Variants in PAQR5 observed in about 807,000 individuals in gnomAD.
The protein encoded by PAQR5 is membrane progestin receptor gamma.
In PAQR5, 20 loss-of-function variants were observed where a neutral mutation model predicts 34.5. That is an observed-to-expected ratio of 0.58 (90% CI 0.41 to 0.84). PAQR5 has a LOEUF of 0.84. Ranked by LOEUF, PAQR5 falls within the 40% of genes least tolerant of loss-of-function variation. The probability of loss-of-function intolerance (pLI) is 0.00; values close to 1 mark genes in which losing one functional copy is unlikely to be tolerated. For synonymous variants in PAQR5, 131 were observed against 155.6 expected (o/e 0.84, Z 1.18); for missense variants, 378 against 412.7 (o/e 0.92, Z 0.73).
chr15:69,332,947 G>A (rs1910381), intron 1 of PAQR5, among the ~76,000 whole-genome samples: 4 of 151,758 alleles, frequency 2.6e-5, no homozygotes, highest in Admixed American at 6.6e-5. Context: ...TGTTAAAGTC[G>A]GGTAATAAAA....
At chr15:69,360,175 C>G (rs2055195495) in intron 3 of PAQR5, 44 bp downstream of exon 3, 1 of 1,516,880 alleles carries the variant, frequency 6.6e-7, no homozygotes, top group African/African-American at 1.4e-5. Context: ...CAGAGTGTGA[C>G]CAGGGCTTGG....
At chr15:69,352,126 C>A (rs1378134982) in intron 2 of PAQR5, among the ~76,000 whole-genome samples, 1 of 152,178 alleles carries the variant, frequency 6.6e-6, no homozygotes, top group Non-Finnish European at 1.5e-5. Context: ...AGGATGCTAT[C>A]TGGAGTCTTT....
At chr15:69,375,916 T>C (rs887976008) in intron 3 of PAQR5, among the ~76,000 whole-genome samples, 3 of 152,212 alleles carry the variant, frequency 2.0e-5, no homozygotes, top group Non-Finnish European at 4.4e-5. Context: ...CCCAGGTGGT[T>C]TGCAGTTTAA....
chr15:69,386,786 A>G lies in PAQR5; in HGVS notation c.385+1904A>G, dbSNP rs146942120. Among the ~76,000 whole-genome samples, 29 of 152,046 alleles carry G rather than the reference A, an allele frequency of 1.9e-4. No individual in the cohort carries two copies. The East Asian group carries it at 3.1e-3, about 16-fold the overall frequency. On this transcript the variant is annotated intron_variant, in intron 5 of 8. Transcript: ENST00000395407. Reference sequence around the variant, plus strand: ...CACCTCCGGAGAAACCCTGTCTCCAATGTAAACCTCTTACCTGAGGTCCAC... The same window carrying G: ...CACCTCCGGAGAAACCCTGTCTCCAGTGTAAACCTCTTACCTGAGGTCCAC...
At chr15:69,387,294 T>C (rs1267167163) in intron 5 of PAQR5, among the ~76,000 whole-genome samples, 1 of 152,190 alleles carries the variant, frequency 6.6e-6, no homozygotes, top group Non-Finnish European at 1.5e-5. Flanking sequence ...TGGCAAGCCC[T>C]GGTCCAGGCC....
At chr15:69,341,019 CAT>C (rs2054626440) in intron 2 of PAQR5, among the ~76,000 whole-genome samples, 1 of 152,086 alleles carries the variant, frequency 6.6e-6, no homozygotes, top group Non-Finnish European at 1.5e-5. Flanking sequence ...ATATACGTAA[CAT>C]AAAATTTATC....
intron 8 of PAQR5, among the ~76,000 whole-genome samples, chr15:69,402,617 A>G (rs779521879): frequency 6.6e-5 from 10 of 152,164 alleles, no homozygotes; most frequent in Admixed American, 1.3e-4. Context: ...CGCCTGGCCT[A>G]AACTCCTTTC....
intron 2 of PAQR5, among the ~76,000 whole-genome samples, chr15:69,349,981 A>G (rs2054871567): frequency 6.6e-6 from 1 of 152,068 alleles, no homozygotes; most frequent in Non-Finnish European, 1.5e-5. Context: ...CCACAGGCTT[A>G]GGGAGATTGG....
In PAQR5 at chr15:69,312,003, C is replaced by T. The variant is rs545755724; in HGVS notation, c.-277+12947C>T. Among the ~76,000 whole-genome samples, 60 of 152,192 alleles carry T rather than the reference C, an allele frequency of 3.9e-4. 1 individual carries two copies. Among genetic ancestry groups the T allele is most frequent in the African/African-American group, 1.4e-3 (57 of 41,526 alleles). ...TGAGTGGTTAAATAAGCAAGCTCTC[C>T]GGGAAGAATTCCTGGAGGAAGTGGG... On this transcript the variant is annotated intron_variant, in intron 1 of 8. Coordinates refer to ENST00000395407, the MANE Select transcript of PAQR5 (RefSeq NM_017705.4).
At chr15:69,386,724 TC>T (rs1233753846) in intron 5 of PAQR5, among the ~76,000 whole-genome samples, 1 of 151,124 alleles carries the variant, frequency 6.6e-6, no homozygotes, top group African/African-American at 2.4e-5. Context: ...ACGATCCGGC[TC>T]CCCAGAGATC....
At chr15:69,388,672 G>A (rs1165265912) in intron 5 of PAQR5, among the ~76,000 whole-genome samples, 7 of 152,276 alleles carry the variant, frequency 4.6e-5, no homozygotes, top group Non-Finnish European at 7.3e-5. Context: ...GCAGCTGGGA[G>A]TATGGGACCA....
chr15:69,326,909 A>G (rs1390525882), intron 1 of PAQR5, among the ~76,000 whole-genome samples: 1 of 148,900 alleles, frequency 6.7e-6, no homozygotes, highest in Non-Finnish European at 1.5e-5. Context: ...CCTCCTTTAC[A>G]TTAGGCCTCA....
At chr15:69,383,140 C>T (rs1453849450) in intron 4 of PAQR5, among the ~76,000 whole-genome samples, 1 of 152,112 alleles carries the variant, frequency 6.6e-6, no homozygotes, top group African/African-American at 2.4e-5. Context: ...ATGGTATTTC[C>T]CCAAAGTGAG....
chr15:69,310,019 GC>G (rs2053795099), intron 1 of PAQR5, among the ~76,000 whole-genome samples: 1 of 151,548 alleles, frequency 6.6e-6, no homozygotes, highest in South Asian at 2.1e-4. Context: ...CTGCACTCCA[GC>G]CTGGGTGACA....
At chr15:69,303,075 A>G (rs1039639168) in intron 1 of PAQR5, among the ~76,000 whole-genome samples, 1 of 152,132 alleles carries the variant, frequency 6.6e-6, no homozygotes, top group Non-Finnish European at 1.5e-5. Flanking sequence ...CTCTCGTTCC[A>G]TGGTCTCTCC....
chr15:69,344,702 G>A (rs1343001241), intron 2 of PAQR5, among the ~76,000 whole-genome samples: 3 of 152,290 alleles, frequency 2.0e-5, no homozygotes, highest in African/African-American at 7.2e-5. Flanking sequence ...CTTTGTTGGC[G>A]GTAAGAGTAT....
intron 5 of PAQR5, 136 bp from the exon 6 acceptor site, chr15:69,389,518 A>G (rs1424441018): frequency 9.4e-7 from 1 of 1,062,156 alleles, no homozygotes; most frequent in East Asian, 2.4e-5. Context: ...AGAAGGGGGA[A>G]TGGCACCAGC....
chr15:69,401,953 A>C (rs1168185443), intron 8 of PAQR5, among the ~76,000 whole-genome samples: 1 of 152,174 alleles, frequency 6.6e-6, no homozygotes, highest in Non-Finnish European at 1.5e-5. Context: ...GGCTGGTCTC[A>C]AAACTCCTGG....
rs1193961234 is a variant in PAQR5, at chr15:69,384,735, T to C, written c.238T>C (p.Tyr80His). Residue 80 changes from tyrosine (Y) to histidine (H), a missense_variant, in exon 5 of 9, where the codon TAC becomes CAC. By Grantham distance (83) the Tyr-to-His change is moderately conservative (BLOSUM62 2). Coordinates refer to ENST00000395407, the MANE Select transcript of PAQR5 (RefSeq NM_017705.4). Reference protein sequence around the residue: ...LYMTDIKNDSYSWPMLVYMCT... With the variant: ...LYMTDIKNDSHSWPMLVYMCT... ...TATGACAGACATCAAGAATGACAGC[T>C]ACTCCTGGCCCATGCTTGTGTACAT... 1 of 1,613,974 alleles carries C rather than the reference T, an allele frequency of 6.2e-7. No homozygotes were observed. The highest frequency in any genetic ancestry group is 8.5e-7 in the Non-Finnish European group (1 of 1,179,960).
Sources: gnomAD v4.1 joint callset for allele counts (sites outside exome capture counted in the v4.1 genomes callset) on GRCh38, gnomAD v4.1.1 for gene constraint, MANE v1.5 for transcripts, NCBI Gene and HGNC (gene_info 2026-07-23, HGNC 2026-07-21) for gene names.